EFNA5: variants seen among roughly 807,000 people sequenced by gnomAD.
EFNA5 encodes the protein ephrin A5, also known as ephrin-A5.
In EFNA5, 5 loss-of-function variants were observed where a neutral mutation model predicts 22.9. The ratio of observed to expected loss-of-function variants is 0.22; its 90% CI spans 0.11 to 0.46. The LOEUF (loss-of-function observed/expected upper bound fraction) is 0.46, where lower values mean the gene tolerates loss of function less well. EFNA5 is among the 20% of genes least tolerant of loss of function. The pLI is 0.99. For missense variants in EFNA5, 237 were observed against 293.3 expected (o/e 0.81, Z 1.40); for synonymous variants, 113 against 112.2 (o/e 1.01, Z -0.04).
chr5:107,591,111 G>C (rs896060989), intron 1 of EFNA5, among the ~76,000 whole-genome samples: 1 of 150,002 alleles, frequency 6.7e-6, no homozygotes, highest in Non-Finnish European at 1.5e-5. Flanking sequence ...TGTTTTCCAC[G>C]TGTTTGGGTA....
At chr5:107,387,056 T>G (rs1185086664) in intron 4 of EFNA5, among the ~76,000 whole-genome samples, 179 bp downstream of exon 4, 2 of 152,150 alleles carry the variant, frequency 1.3e-5, no homozygotes, top group African/African-American at 4.8e-5. Flanking sequence ...TAACATGCAT[T>G]GCACAAAGAT....
intron 1 of EFNA5, among the ~76,000 whole-genome samples, chr5:107,461,645 A>C (rs528957864): frequency 8.0e-4 from 122 of 152,280 alleles, no homozygotes; most frequent in African/African-American, 2.8e-3. Flanking sequence ...GTAGGTCAAA[A>C]GTGTTAATTT....
rs534388708 is a variant in EFNA5 at position 107,405,963 on chromosome 5, T to C, written c.419-18192A>G. On this transcript the variant is annotated intron_variant, in intron 2 of 4. Transcript: ENST00000333274. ...TACATATTCTATGTATTTATATACA[T>C]AGAATGTATAAAAATACCTATATTT... 3.0e-5 allele frequency among the ~76,000 whole-genome samples: 4 copies of C among 133,158 alleles called. No individual in the cohort carries two copies. The South Asian group carries it at 9.3e-4, about 31-fold the overall frequency. 87.4% of individuals were successfully genotyped at this position (133,158 alleles called of 152,430 possible). A position where few individuals can be genotyped will look rare whatever the true frequency, so the allele number is the denominator to read the frequency against.
At chr5:107,565,505 T>G (rs1218368555) in intron 1 of EFNA5, among the ~76,000 whole-genome samples, 1 of 152,210 alleles carries the variant, frequency 6.6e-6, no homozygotes, top group Non-Finnish European at 1.5e-5. Context: ...TGGGAAATAA[T>G]GTTTGTGTGT....
chr5:107,660,272 AT>A (rs1750919558), intron 1 of EFNA5, among the ~76,000 whole-genome samples: 5 of 33,532 alleles, frequency 1.5e-4, no homozygotes, highest in African/African-American at 8.2e-4. Flanking sequence ...ATATATATAT[AT>A]ATATATATAT....
chr5:107,464,375 A>T (rs1749917621), intron 1 of EFNA5, among the ~76,000 whole-genome samples: 1 of 152,178 alleles, frequency 6.6e-6, no homozygotes, highest in African/African-American at 2.4e-5. Flanking sequence ...CCCAGAATAA[A>T]TGAAAGACAG....
chr5:107,498,038 C>T (rs1249374258), intron 1 of EFNA5, among the ~76,000 whole-genome samples: 1 of 152,184 alleles, frequency 6.6e-6, no homozygotes, highest in Non-Finnish European at 1.5e-5. Flanking sequence ...GCCTCAGCCT[C>T]CCAAGTAGCT....
intron 1 of EFNA5, among the ~76,000 whole-genome samples, chr5:107,572,597 C>G (rs947727321): frequency 1.3e-5 from 2 of 152,146 alleles, no homozygotes; most frequent in African/African-American, 4.8e-5. Context: ...TTTACTATAA[C>G]GTTAACAGTA....
chr5:107,459,376 G>GAA (rs199577115), intron 1 of EFNA5, among the ~76,000 whole-genome samples: 34,522 of 109,534 alleles, frequency 0.32, 4,750 homozygotes, highest in East Asian at 0.55. Flanking sequence ...TGGAACACAT[G>GAA]AAAAAAAAAA....
At chr5:107,639,278 A>G (rs1368064711) in intron 1 of EFNA5, among the ~76,000 whole-genome samples, 1 of 152,240 alleles carries the variant, frequency 6.6e-6, no homozygotes, top group African/African-American at 2.4e-5. Flanking sequence ...TTCATTTGGT[A>G]AATTCGGTAA....
intron 1 of EFNA5, among the ~76,000 whole-genome samples, chr5:107,523,620 G>A (rs990134461): frequency 6.6e-6 from 1 of 152,200 alleles, no homozygotes; most frequent in African/African-American, 2.4e-5. Context: ...AGGCTCTATC[G>A]TTAACGGAGA....
At chr5:107,663,176 C>T (rs571909598) in intron 1 of EFNA5, among the ~76,000 whole-genome samples, 14 of 151,770 alleles carry the variant, frequency 9.2e-5, no homozygotes, top group Middle Eastern at 3.4e-3. Flanking sequence ...ACCAATTTCA[C>T]GAAAGAAATA....
At chr5:107,470,136 A>G (rs1237579163) in intron 1 of EFNA5, among the ~76,000 whole-genome samples, 1 of 152,270 alleles carries the variant, frequency 6.6e-6, no homozygotes, top group East Asian at 1.9e-4. Flanking sequence ...ACACACCTAC[A>G]GCTGGAGAGC....
chr5:107,523,956 A>G (rs1400890300), intron 1 of EFNA5, among the ~76,000 whole-genome samples: 4 of 152,268 alleles, frequency 2.6e-5, no homozygotes, highest in South Asian at 2.1e-4. Flanking sequence ...ACAGCAATTT[A>G]AAGTATCAGG....
chr5:107,558,687 A>C (rs1290448613), intron 1 of EFNA5, among the ~76,000 whole-genome samples: 1 of 152,234 alleles, frequency 6.6e-6, no homozygotes, highest in Non-Finnish European at 1.5e-5. Context: ...GAAGGTTAAG[A>C]CACAATGGTC....
chr5:107,487,148 C>T (rs75804881), intron 1 of EFNA5, among the ~76,000 whole-genome samples: 200 of 152,240 alleles, frequency 1.3e-3, no homozygotes, highest in African/African-American at 4.6e-3. Context: ...GTATTCCTGC[C>T]GTCAGCACTC....
At chr5:107,529,225 T>C (rs115537875) in intron 1 of EFNA5, among the ~76,000 whole-genome samples, 3,785 of 152,166 alleles carry the variant, frequency 0.025, 94 homozygotes, top group African/African-American at 0.061. Context: ...GTTTGAAACA[T>C]TGGGATGTTA....
intron 1 of EFNA5, among the ~76,000 whole-genome samples, chr5:107,551,137 C>T (rs181275777): frequency 1.6e-4 from 25 of 152,282 alleles, no homozygotes; most frequent in Admixed American, 7.2e-4. Flanking sequence ...GCCTTAGTAC[C>T]ATCATCATCT....
chr5:107,587,242 T>C (rs552538305), intron 1 of EFNA5, among the ~76,000 whole-genome samples: 1 of 152,230 alleles, frequency 6.6e-6, no homozygotes, highest in South Asian at 2.1e-4. Context: ...CTTCTCCCCC[T>C]CCTGTCCTTG....
Sources: allele counts gnomAD v4.1 joint callset (sites outside exome capture counted in the v4.1 genomes callset), GRCh38; gene constraint gnomAD v4.1.1; transcripts MANE v1.5; gene names NCBI Gene and HGNC (gene_info 2026-07-23, HGNC 2026-07-21).